Variants in ROBO1 observed in about 807,000 individuals in gnomAD.
ROBO1 encodes the protein roundabout guidance receptor 1, also known as roundabout homolog 1.
ROBO1 carries 149 observed loss-of-function variants against 195.9 expected under a neutral mutation model. The ratio of observed to expected loss-of-function variants is 0.76; its 90% CI spans 0.67 to 0.87. ROBO1 has a LOEUF of 0.87. Ranked by LOEUF, ROBO1 falls within the 40% of genes least tolerant of loss-of-function variation. The pLI, the probability that ROBO1 is intolerant of heterozygous loss-of-function variation, is 0.00. For missense variants in ROBO1, 1,933 were observed against 2,068.3 expected (o/e 0.93, Z 1.27); for synonymous variants, 816 against 733.2 (o/e 1.11, Z -1.82).
At chr3:79,112,532 G>A (rs1410682123) in intron 3 of ROBO1, among the ~76,000 whole-genome samples, 1 of 152,112 alleles carries the variant, frequency 6.6e-6, no homozygotes, top group East Asian at 1.9e-4. Flanking sequence ...TTTTGCTGTG[G>A]TTTAGAGATT....
At chr3:78,792,611 G>A (rs1576175303) in intron 4 of ROBO1, among the ~76,000 whole-genome samples, 8 of 152,080 alleles carry the variant, frequency 5.3e-5, no homozygotes, top group Admixed American at 3.9e-4. Flanking sequence ...TGAAAATCAC[G>A]TACTCCATCC....
In ROBO1 at chr3:79,525,698, C is replaced by T. The variant is rs191010487; in HGVS notation, c.88+64126G>A. 2.9e-3 allele frequency among the ~76,000 whole-genome samples: 429 copies of T among 150,214 alleles called. 2 individuals are homozygous for T. The highest frequency in any genetic ancestry group is 9.8e-3 in the African/African-American group (400 of 40,906). On this transcript the variant is annotated intron_variant, in intron 2 of 30. Transcript: ENST00000464233. ...TCGGCTCACTGCAACCTCCGCTTCC[C>T]GGGTTCAAGCAATTCTCCTGCCTCA...
At chr3:79,456,516 TGGATCAATAG>T (rs2039623980) in intron 2 of ROBO1, among the ~76,000 whole-genome samples, 1 of 152,182 alleles carries the variant, frequency 6.6e-6, no homozygotes, top group African/African-American at 2.4e-5. Context: ...GGAAAAGCTA[TGGATCAATAG>T]TTTTATTCTG....
At chr3:79,045,932 A>G (rs1215661828) in intron 3 of ROBO1, among the ~76,000 whole-genome samples, 1 of 152,138 alleles carries the variant, frequency 6.6e-6, no homozygotes, top group Non-Finnish European at 1.5e-5. Flanking sequence ...TATTTTCACT[A>G]AACTCTAACT....
At chr3:79,616,849 G>C (rs1357209423) in intron 1 of ROBO1, among the ~76,000 whole-genome samples, 1 of 152,120 alleles carries the variant, frequency 6.6e-6, no homozygotes, top group African/African-American at 2.4e-5. Context: ...CTTGCACGAA[G>C]GGTTGTGCTC....
intron 3 of ROBO1, among the ~76,000 whole-genome samples, chr3:78,998,486 C>T (rs2077420484): frequency 6.6e-6 from 1 of 152,078 alleles, no homozygotes; most frequent in Non-Finnish European, 1.5e-5. Flanking sequence ...TCAGGCATTG[C>T]ATTTCATGTT....
chr3:79,572,812 A>G (rs545176031), intron 2 of ROBO1, among the ~76,000 whole-genome samples: 104 of 152,156 alleles, frequency 6.8e-4, no homozygotes, highest in Non-Finnish European at 1.4e-3. Context: ...TTTTTCTGGC[A>G]GAAAATAGAC....
chr3:79,600,411 T>C (rs7629937), intron 1 of ROBO1, among the ~76,000 whole-genome samples: 38,279 of 151,720 alleles, frequency 0.25, 6,711 homozygotes, highest in African/African-American at 0.5. Context: ...GAGGCAGAAG[T>C]GTAGAGTGGT....
Position 78,606,738 on chromosome 3 carries a change from A to T in ROBO1, c.4739T>A (p.Ile1580Asn). The T allele has an allele frequency of 6.2e-7, 1 of 1,613,386 alleles. No individual in the cohort carries two copies. The highest frequency in any genetic ancestry group is 8.5e-7 in the Non-Finnish European group (1 of 1,179,582). The change falls in exon 29 of 31, where the codon ATC becomes AAC. Residue 1580 changes from isoleucine to asparagine, a missense_variant. By Grantham distance (149) the Ile-to-Asn change is moderately radical. Coordinates refer to ENST00000464233, the MANE Select transcript of ROBO1 (RefSeq NM_002941.4). ...CTGCTTGATTGGATGAGTACCTTGG[A>T]TGAGATGAGTCTTTGCTGGTGGAAG... ...RDLPPAKTHL[I>N]QEDILPYCRP...
At chr3:78,945,186 C>T (rs943467693) in intron 3 of ROBO1, among the ~76,000 whole-genome samples, 13 of 152,144 alleles carry the variant, frequency 8.5e-5, no homozygotes, top group African/African-American at 1.9e-4. Flanking sequence ...TCTCCCAGCA[C>T]GCAGCTTGAG....
At chr3:79,639,404 A>G (rs912469513) in intron 1 of ROBO1, among the ~76,000 whole-genome samples, 2 of 152,184 alleles carry the variant, frequency 1.3e-5, no homozygotes, top group African/African-American at 4.8e-5. Flanking sequence ...TCATAGTAAT[A>G]ATTATTAAAT....
intron 2 of ROBO1, among the ~76,000 whole-genome samples, chr3:79,196,755 T>C (rs75137015): frequency 0.094 from 14,319 of 151,818 alleles, 1,203 homozygotes; most frequent in African/African-American, 0.23. Context: ...TATCAACTGG[T>C]AGGATCCATG....
chr3:78,792,607 T>C (rs1011906181), intron 4 of ROBO1, among the ~76,000 whole-genome samples: 1 of 152,152 alleles, frequency 6.6e-6, no homozygotes, highest in African/African-American at 2.4e-5. Flanking sequence ...TTGATGAAAA[T>C]CACGTACTCC....
chr3:78,644,787 T>C (rs938277178), intron 21 of ROBO1, among the ~76,000 whole-genome samples: 1 of 149,562 alleles, frequency 6.7e-6, no homozygotes, highest in Non-Finnish European at 1.5e-5. Flanking sequence ...TATTTTTCTG[T>C]ATGTGTGTGT....
At chr3:78,784,912 ACTTCT>A (rs1279479156) in intron 4 of ROBO1, among the ~76,000 whole-genome samples, 9 of 152,136 alleles carry the variant, frequency 5.9e-5, no homozygotes, top group African/African-American at 2.2e-4. Context: ...ATGACTACTA[ACTTCT>A]CTTCCCATTC....
intron 2 of ROBO1, among the ~76,000 whole-genome samples, chr3:79,391,848 GT>G (rs1307311983): frequency 6.6e-6 from 1 of 151,994 alleles, no homozygotes; most frequent in Non-Finnish European, 1.5e-5. Flanking sequence ...TTCAAACAAA[GT>G]TCTTATGATA....
intron 2 of ROBO1, among the ~76,000 whole-genome samples, chr3:79,226,399 G>T (rs139796216): frequency 6.6e-6 from 1 of 152,020 alleles, no homozygotes; most frequent in East Asian, 1.9e-4. Context: ...CCTCTTAACG[G>T]CACACCAAGT....
At position 79,301,788 on chromosome 3, in the gene ROBO1, C is replaced by G. The variant is rs535004201; in HGVS notation, c.89-176249G>C. Among the ~76,000 whole-genome samples the G allele has an allele frequency of 2.6e-5, 4 of 152,208 alleles. No homozygotes were observed. The East Asian group carries it at 7.7e-4, about 29-fold the overall frequency. ...ATTCTTCAGACATACTAAGAGTATA[C>G]CTAAAGACATTATGAATTGTGCAAT... On this transcript the variant is annotated intron_variant, in intron 2 of 30. Transcript: ENST00000464233.
chr3:79,518,331 G>T (rs886826592), intron 2 of ROBO1, among the ~76,000 whole-genome samples: 1 of 152,058 alleles, frequency 6.6e-6, no homozygotes, highest in Non-Finnish European at 1.5e-5. Flanking sequence ...AAGGGGAAGG[G>T]AAGAAGACAA....
Sources: gnomAD v4.1 joint callset for allele counts (sites outside exome capture counted in the v4.1 genomes callset) on GRCh38, gnomAD v4.1.1 for gene constraint, MANE v1.5 for transcripts, NCBI Gene and HGNC (gene_info 2026-07-23, HGNC 2026-07-21) for gene names.